Variants in HRNR observed in about 807,000 individuals in gnomAD.
The protein encoded by HRNR is hornerin.
Under a neutral mutation model 4.8 loss-of-function variants are expected in HRNR, and 7 were observed. That is an observed-to-expected ratio of 1.47 (90% CI 0.83 to 2.75). The LOEUF (loss-of-function observed/expected upper bound fraction) is 2.75. Ranked by LOEUF, HRNR falls within the 30% of genes most tolerant of loss-of-function variation. HRNR has a pLI of 0.00. For synonymous variants in HRNR, 1,023 were observed against 1,242.7 expected (o/e 0.82, Z 3.72); for missense variants, 2,879 against 3,010.4 (o/e 0.96, Z 1.02).
Position 152,218,786 on chromosome 1 carries a change from C to G in HRNR, c.2843G>C (p.Gly948Ala), listed in dbSNP as rs1009891771. 1.2e-6 allele frequency: 2 copies of G among 1,613,792 alleles called. No individual in the cohort carries two copies. Among genetic ancestry groups the G allele is most frequent in the Non-Finnish European group, 1.7e-6 (2 of 1,180,002 alleles). ...GCTGGAGGAGTGACCTGAGCCAGATCCATGCTGAGTGTAACCAGAGGACTG... is the reference window on the plus strand; with the variant it reads ...GCTGGAGGAGTGACCTGAGCCAGATGCATGCTGAGTGTAACCAGAGGACTG... ...SGQSSGYTQH[G>A]SGSGHSSSYE... The change falls in exon 3 of 3, where the codon GGA becomes GCA. Residue 948 changes from glycine to alanine, a missense_variant. Gly to Ala is a moderately conservative substitution (Grantham distance 60). Coordinates refer to ENST00000368801, the MANE Select transcript of HRNR (RefSeq NM_001009931.3).
Position 152,219,517 on chromosome 1 carries a change from CT to C in HRNR, c.2111del (p.Lys704SerfsTer347), listed in dbSNP as rs1557844794. ...VSGQSSGFGH[K>X]SGSGQSSGYS... ...AACCAGAGGACTGCCCTGAGCCAGA[CT>C]TGTGACCAAAGCCGGAAGACTGGCC... On this transcript the variant is annotated frameshift_variant, in exon 3 of 3. Coordinates refer to ENST00000368801, the MANE Select transcript of HRNR (RefSeq NM_001009931.3). LOFTEE classifies it low-confidence loss of function (END_TRUNC). 6.2e-7 allele frequency: 1 copy of C among 1,613,708 alleles called. No individual in the cohort carries two copies. Among genetic ancestry groups the C allele is most frequent in the Admixed American group, 1.7e-5 (1 of 59,992 alleles).
chr1:152,218,712 G>A lies in HRNR; in HGVS notation c.2917C>T (p.His973Tyr). Reference sequence around the variant, plus strand: ...GAAGACGAACCTGAGCTAGATCCATGTTGTTCGCTCCTAGATGACTGTCCT... The same window carrying A: ...GAAGACGAACCTGAGCTAGATCCATATTGTTCGCTCCTAGATGACTGTCCT... ...RSGQSSRSEQ[H>Y]GSSSGSSSSY... The change falls in exon 3 of 3, where the codon CAT (histidine) becomes TAT (tyrosine). Residue 973 changes from histidine to tyrosine, a missense_variant. Physicochemically the swap from His to Tyr is moderately conservative, Grantham distance 83. Around this residue, in one of 8 missense-constraint regions of HRNR, gnomAD observed 2,646 missense variants for 1,377.7 expected, o/e 1.92. Coordinates refer to ENST00000368801, the MANE Select transcript of HRNR (RefSeq NM_001009931.3). 1 of 1,613,982 alleles carries A rather than the reference G, an allele frequency of 6.2e-7. No individual in the cohort carries two copies. Among genetic ancestry groups the A allele is most frequent in the Non-Finnish European group, 8.5e-7 (1 of 1,180,026 alleles).
rs150484484 is a variant in HRNR, at chr1:152,220,131, G to A, written c.1498C>T (p.Gln500Ter). The stretch of plus-strand genomic sequence containing the variant: ...CCTTGTCGTTCACCCCTAGATGACT[G>A]TCCTGACCTAGAGCCGTGTTGTCCG... The part of the protein sequence containing the change: ...GHGQHGSRSG[Q>*]SSRGERQGSS... The change falls in exon 3 of 3, where the codon CAG becomes TAG. Residue 500 changes from glutamine to a stop codon, truncating the protein, a stop_gained. Coordinates refer to ENST00000368801, the MANE Select transcript of HRNR (RefSeq NM_001009931.3). LOFTEE classifies it low-confidence loss of function (END_TRUNC). 6.2e-7 allele frequency: 1 copy of A among 1,613,410 alleles called. No homozygotes were observed. Among genetic ancestry groups the A allele is most frequent in the South Asian group, 1.1e-5 (1 of 91,016 alleles).
chr1:152,220,183 T>G lies in HRNR; in HGVS notation c.1446A>C (p.Gly482=). Residue 482 remains glycine, a synonymous_variant, in exon 3 of 3, where the codon GGA becomes GGC. Coordinates refer to ENST00000368801, the MANE Select transcript of HRNR (RefSeq NM_001009931.3). ...SEHSSGYTQH[G]SGSGHSSGHG... The stretch of plus-strand genomic sequence containing the variant: ...GGCCGGAGGAGTGACCTGAGCCAGA[T>G]CCATGCTGAGTGTAACCAGAGGAAT... 6.2e-7 allele frequency: 1 copy of G among 1,610,266 alleles called. No individual in the cohort carries two copies. Among genetic ancestry groups the G allele is most frequent in the East Asian group, 2.2e-5 (1 of 44,616 alleles).
chr1:152,223,652 TC>T (rs1295716595), intron 1 of HRNR, among the ~76,000 whole-genome samples: 1 of 152,166 alleles, frequency 6.6e-6, no homozygotes, highest in East Asian at 1.9e-4. Context: ...TGGGCATAGG[TC>T]CATCATCTAC....
chr1:152,221,394 A>C lies in HRNR; in HGVS notation c.235T>G (p.Phe79Val), dbSNP rs765864547. The C allele has an allele frequency of 9.3e-6, 15 of 1,613,730 alleles. No homozygotes were observed. The highest frequency in any genetic ancestry group is 1.3e-5 in the Non-Finnish European group (15 of 1,179,774). ...TTATTACGAGCCTGAACCAGCTTGA[A>C]TATCATCAGAAGATACTCAGTAAAA... The part of the protein sequence containing the change: ...VDFTEYLLMI[F>V]KLVQARNKII... The change falls in exon 3 of 3, where the codon TTC becomes GTC. Residue 79 changes from phenylalanine to valine, a missense_variant. Physicochemically the swap from Phe to Val is conservative, Grantham distance 50. Around this residue, in one of 8 missense-constraint regions of HRNR, gnomAD observed 2,646 missense variants for 1,377.7 expected, o/e 1.92. Coordinates refer to ENST00000368801, the MANE Select transcript of HRNR (RefSeq NM_001009931.3).
Position 152,212,973 on chromosome 1 carries a change from G to C in HRNR, c.*103C>G. On this transcript the variant is annotated 3_prime_UTR_variant, in exon 3 of 3. Transcript: ENST00000368801. Reference sequence around the variant, plus strand: ...ACAGAAATGCATTGATTCACTTTTAGAACGAATTTCATGATGGATTGCTTG... The same window carrying C: ...ACAGAAATGCATTGATTCACTTTTACAACGAATTTCATGATGGATTGCTTG... 3 of 1,471,792 alleles carry C rather than the reference G, an allele frequency of 2.0e-6. No homozygotes were observed. The highest frequency in any genetic ancestry group is 2.7e-6 in the Non-Finnish European group (3 of 1,097,930). 91.2% of individuals were successfully genotyped at this position (1,471,792 alleles called of 1,614,324 possible).
chr1:152,221,728 G>A (rs1324423543), intron 2 of HRNR, among the ~76,000 whole-genome samples: 1 of 152,184 alleles, frequency 6.6e-6, no homozygotes, highest in South Asian at 2.1e-4. Flanking sequence ...AAGGAAACAA[G>A]AGGGCTGATT....
rs140632596 is a variant in HRNR at position 152,219,992 on chromosome 1, C to G, written c.1637G>C (p.Gly546Ala). 2.5e-6 allele frequency: 4 copies of G among 1,612,202 alleles called. No homozygotes were observed. The highest frequency in any genetic ancestry group is 1.3e-5 in the African/African-American group (1 of 74,264). The change falls in exon 3 of 3, where the codon GGC becomes GCC. Residue 546 changes from glycine to alanine, a missense_variant. Gly to Ala is a moderately conservative substitution (Grantham distance 60). This residue lies in a region of HRNR where 2,646 missense variants were observed against 1,377.7 expected (regional missense o/e 1.92). Coordinates refer to ENST00000368801, the MANE Select transcript of HRNR (RefSeq NM_001009931.3). ...GSGQSPSPSR[G>A]RHESGSRQSS... ...CTGCCTGGAACCAGACTCATGTCGG[C>G]CACGGCTAGGGCTAGGAGACTGGCC...
Position 152,218,933 on chromosome 1 carries a change from C to G in HRNR, c.2696G>C (p.Gly899Ala), listed in dbSNP as rs747192613. ...QSPGHGQRGSGSGQSPSYGRH... is the reference protein window; with the variant it reads ...QSPGHGQRGSASGQSPSYGRH... ...GCCATAGCTGGGAGACTGCCCTGAC[C>G]CAGACCCACGCTGGCCGTGGCCTGG... Residue 899 changes from glycine (G) to alanine (A), a missense_variant, in exon 3 of 3, where the codon GGG becomes GCG. Gly to Ala is a moderately conservative substitution (Grantham distance 60). This residue lies in a region of HRNR where 2,646 missense variants were observed against 1,377.7 expected (regional missense o/e 1.92). Coordinates refer to ENST00000368801, the MANE Select transcript of HRNR (RefSeq NM_001009931.3). The G allele has an allele frequency of 6.2e-6, 10 of 1,613,724 alleles. No individual in the cohort carries two copies. The highest frequency in any genetic ancestry group is 8.5e-6 in the Non-Finnish European group (10 of 1,179,966).
Position 152,223,247 on chromosome 1 carries a change from T to C in HRNR, c.7A>G (p.Lys3Glu). The change falls in exon 2 of 3, where the codon AAA (lysine) becomes GAA (glutamate). Residue 3 changes from lysine to glutamate, a missense_variant. Lys to Glu is a moderately conservative substitution (Grantham distance 56, BLOSUM62 1). Coordinates refer to ENST00000368801, the MANE Select transcript of HRNR (RefSeq NM_001009931.3). ...ACAGTGATGACGCCTTGTAGGAGTT[T>C]AGGCATTTTTTTTTTTGCAAGTTTG... MP[K>E]LLQGVITVID... 1 of 1,484,634 alleles carries C rather than the reference T, an allele frequency of 6.7e-7. No individual in the cohort carries two copies. The highest frequency in any genetic ancestry group is 9.0e-7 in the Non-Finnish European group (1 of 1,116,624). 92.0% of individuals were successfully genotyped at this position (1,484,634 alleles called of 1,614,324 possible).
Position 152,219,694 on chromosome 1 carries a change from C to G in HRNR, c.1935G>C (p.Gln645His). 4 of 1,613,150 alleles carry G rather than the reference C, an allele frequency of 2.5e-6. No individual in the cohort carries two copies. The highest frequency in any genetic ancestry group is 3.4e-6 in the Non-Finnish European group (4 of 1,179,500). ...AGCCCTGTTGGCCATAGCGAGAAGA[C>G]TGACTTGAGCCAGAGCCATGCTGAC... ...SHGQHGSGSS[Q>H]SSRYGQQGSG... is the part of the protein sequence containing the mutation. The change falls in exon 3 of 3, where the codon CAG becomes CAC. Residue 645 changes from glutamine to histidine, a missense_variant. Gln to His is a conservative substitution (Grantham distance 24, BLOSUM62 0). Transcript: ENST00000368801.
Position 152,219,018 on chromosome 1 carries a change from C to A in HRNR, c.2611G>T (p.Glu871Ter). ...SGQSSSYGQH[E>*]SASHHASGRG... Reference sequence around the variant, plus strand: ...CCCGAAGCGTGATGGGAGGCAGACTCATGCTGACCATAGCTGGAAGATTGA... The same window carrying A: ...CCCGAAGCGTGATGGGAGGCAGACTAATGCTGACCATAGCTGGAAGATTGA... Residue 871 changes from glutamate (E) to a stop codon, truncating the protein, a stop_gained, in exon 3 of 3, where the codon GAG becomes TAG. Coordinates refer to ENST00000368801, the MANE Select transcript of HRNR (RefSeq NM_001009931.3). LOFTEE classifies it low-confidence loss of function (END_TRUNC). 1 of 1,614,016 alleles carries A rather than the reference C, an allele frequency of 6.2e-7. No homozygotes were observed. The highest frequency in any genetic ancestry group is 8.5e-7 in the Non-Finnish European group (1 of 1,179,990).
Position 152,218,856 on chromosome 1 carries a change from C to T in HRNR, c.2773G>A (p.Gly925Ser). The T allele has an allele frequency of 2.5e-6, 4 of 1,613,944 alleles. No homozygotes were observed. Among genetic ancestry groups the T allele is most frequent in the South Asian group, 2.2e-5 (2 of 91,050 alleles). Residue 925 changes from glycine (G) to serine (S), a missense_variant, in exon 3 of 3, where the codon GGC becomes AGC. By Grantham distance (56) the Gly-to-Ser change is moderately conservative. This residue lies in a region of HRNR where 2,646 missense variants were observed against 1,377.7 expected (regional missense o/e 1.92). Coordinates refer to ENST00000368801, the MANE Select transcript of HRNR (RefSeq NM_001009931.3). ...CCAAAGCCAGAAGACTGGCCTGAGCCAGACCCATGTCGGCCACTGCTGGAA... is the reference window on the plus strand; with the variant it reads ...CCAAAGCCAGAAGACTGGCCTGAGCTAGACCCATGTCGGCCACTGCTGGAA... ...RSSSSGRHGS[G>S]SGQSSGFGHK...
chr1:152,219,319 A>C lies in HRNR; in HGVS notation c.2310T>G (p.Ser770=), dbSNP rs1406919919. 8.7e-6 allele frequency: 14 copies of C among 1,613,392 alleles called. No individual in the cohort carries two copies. The highest frequency in any genetic ancestry group is 3.3e-5 in the Admixed American group (2 of 59,936). The change falls in exon 3 of 3, where the codon TCT becomes TCG. Residue 770 remains serine (S), a synonymous_variant. Transcript: ENST00000368801. The part of the protein sequence containing the change: ...HQSSGHGRQG[S]GSGHSPSRVR... ...CACGGCTAGGAGAGTGGCCAGATCCAGACCCTTGTCGGCCGTGGCCCGAAG... is the reference window on the plus strand; with the variant it reads ...CACGGCTAGGAGAGTGGCCAGATCCCGACCCTTGTCGGCCGTGGCCCGAAG...
chr1:152,213,179 C>G lies in HRNR; in HGVS notation c.8450G>C (p.Ser2817Thr). 1 of 1,614,130 alleles carries G rather than the reference C, an allele frequency of 6.2e-7. No homozygotes were observed. The highest frequency in any genetic ancestry group is 8.5e-7 in the Non-Finnish European group (1 of 1,180,046). ...GCCAGAACTTCCCCCATCATGGTTA[C>G]TTCCTCCTTTGCAATAAGAATACCC... Reference protein sequence around the residue: ...QDGYSYCKGGSNHDGGSSGSY... With the variant: ...QDGYSYCKGGTNHDGGSSGSY... The change falls in exon 3 of 3, where the codon AGT becomes ACT. Residue 2817 changes from serine to threonine, a missense_variant. Ser to Thr is a moderately conservative substitution (Grantham distance 58). This residue lies in a region of HRNR where 158 missense variants were observed against 107.6 expected (regional missense o/e 1.47). Coordinates refer to ENST00000368801, the MANE Select transcript of HRNR (RefSeq NM_001009931.3).
In HRNR at chr1:152,216,437, T is replaced by A; in HGVS notation, c.5192A>T (p.His1731Leu). Residue 1731 changes from histidine (H) to leucine (L), a missense_variant, in exon 3 of 3, where the codon CAT (histidine) becomes CTT (leucine). By Grantham distance (99) the His-to-Leu change is moderately conservative. Transcript: ENST00000368801. ...GGAAGAACGACCTGAGCCAGACCCA[T>A]GTTGGCCGTGGCTGGAGGAGTGCCC... ...GLGHSSSHGQ[H>L]GSGSGRSSSR... 6.2e-7 allele frequency: 1 copy of A among 1,602,278 alleles called. No individual in the cohort carries two copies. The highest frequency in any genetic ancestry group is 1.4e-5 in the African/African-American group (1 of 73,162).
chr1:152,213,120 G>A lies in HRNR; in HGVS notation c.8509C>T (p.Pro2837Ser). 1.2e-6 allele frequency: 2 copies of A among 1,613,844 alleles called. No homozygotes were observed. Among genetic ancestry groups the A allele is most frequent in the Non-Finnish European group, 1.7e-6 (2 of 1,179,926 alleles). ...YFLSFPSSTSPYEYVQEQRCY... is the reference protein window; with the variant it reads ...YFLSFPSSTSSYEYVQEQRCY... ...CTCTGCTCTTGGACATATTCATAGG[G>A]TGAAGTGCTACTAGGAAAACTGAGA... The change falls in exon 3 of 3, where the codon CCC (proline) becomes TCC (serine). Residue 2837 changes from proline (P) to serine (S), a missense_variant. Around this residue, in one of 8 missense-constraint regions of HRNR, gnomAD observed 158 missense variants for 107.6 expected, o/e 1.47. Coordinates refer to ENST00000368801, the MANE Select transcript of HRNR (RefSeq NM_001009931.3).
Position 152,218,653 on chromosome 1 carries a change from C to T in HRNR, c.2976G>A (p.Gln992=), listed in dbSNP as rs774156745. The change falls in exon 3 of 3, where the codon CAG becomes CAA. Residue 992 remains glutamine (Q), a synonymous_variant. Transcript: ENST00000368801. ...ACCCATGTTGGCCGTGGCCCAAAGA[C>T]TGACGGGAGCCAGACCCATGCTGAC... The part of the protein sequence containing the change: ...SYGQHGSGSR[Q]SLGHGQHGSG... 8.0e-5 allele frequency: 129 copies of T among 1,612,728 alleles called. No homozygotes were observed. The highest frequency in any genetic ancestry group is 1.1e-4 in the Non-Finnish European group (126 of 1,179,726).
Sources: allele counts gnomAD v4.1 joint callset (sites outside exome capture counted in the v4.1 genomes callset), GRCh38; gene constraint gnomAD v4.1.1; regional missense constraint gnomAD v4.1.1; transcripts MANE v1.5; gene names NCBI Gene and HGNC (gene_info 2026-07-23, HGNC 2026-07-21).